PHLDB1: variants seen among roughly 807,000 people sequenced by gnomAD.
PHLDB1 encodes the protein pleckstrin homology like domain family B member 1, also known as pleckstrin homology-like domain family B member 1.
Under a neutral mutation model 139.3 loss-of-function variants are expected in PHLDB1, and 65 were observed. That is an observed-to-expected ratio of 0.47 (90% confidence interval 0.38 to 0.57). PHLDB1 has a LOEUF of 0.57. Among genes scored for constraint, PHLDB1 ranks in the 20% least tolerant of loss-of-function variants. PHLDB1 has a pLI of 0.00. For synonymous variants in PHLDB1, 679 were observed against 734.5 expected (o/e 0.92, Z 1.22); for missense variants, 1,624 against 1,839.7 (o/e 0.88, Z 2.14).
intron 4 of PHLDB1, among the ~76,000 whole-genome samples, chr11:118,623,690 C>T (rs1170868195): frequency 6.6e-6 from 1 of 151,946 alleles, no homozygotes; most frequent in Non-Finnish European, 1.5e-5. Flanking sequence ...AATTCAGGAC[C>T]CCCCCGGTTC....
intron 10 of PHLDB1, chr11:118,637,837 C>T (rs1945891738): frequency 6.6e-6 from 1 of 152,230 alleles, no homozygotes; most frequent in Non-Finnish European, 1.5e-5. Flanking sequence ...TTTTCATTTC[C>T]TTTTAGCACA....
Position 118,632,152 on chromosome 11 carries a change from C to T in PHLDB1, c.2242-7C>T. 6.2e-7 allele frequency: 1 copy of T among 1,613,926 alleles called. No individual in the cohort carries two copies. Among genetic ancestry groups the T allele is most frequent in the Non-Finnish European group, 8.5e-7 (1 of 1,179,902 alleles). ...GCTTTGATGGGGACCCTGGTGTCTG[C>T]CCCCAGGCCGAAATGGAGCGGGCAC... On this transcript the variant is annotated splice_region_variant and splice_polypyrimidine_tract_variant and intron_variant, in intron 8 of 22. Transcript: ENST00000600882. This position sits in a 1 kb window ranked among gnomAD's most constrained non-coding sequence, Gnocchi z 5.9.
rs781810809 is a variant in PHLDB1, at chr11:118,613,886, C to G, written c.50C>G (p.Thr17Ser). 78 of 1,606,266 alleles carry G rather than the reference C, an allele frequency of 4.9e-5. No homozygotes were observed. The highest frequency in any genetic ancestry group is 6.6e-5 in the Non-Finnish European group (78 of 1,173,386). Residue 17 changes from threonine to serine, a missense_variant, in exon 2 of 23, where the codon ACC becomes AGC. Coordinates refer to ENST00000600882, the MANE Select transcript of PHLDB1 (RefSeq NM_001144758.3). ...ATAGGCCCTGGATGCCAGACCCAGA[C>G]CATGGTGCAGGTGAGTGGGATCAGG... Reference protein sequence around the residue: ...NQIGPGCQTQTMVQKGPLDLI... With the variant: ...NQIGPGCQTQSMVQKGPLDLI...
chr11:118,655,223 A>G (rs1324381520), intron 20 of PHLDB1: 1 of 175,960 alleles, frequency 5.7e-6, no homozygotes, highest in African/African-American at 2.4e-5. Flanking sequence ...CAAAAGATAA[A>G]TGCCTTTCTA....
chr11:118,657,752 A>G lies in PHLDB1; in HGVS notation c.*929A>G, dbSNP rs151114083. The G allele has an allele frequency of 4.7e-3, 747 of 157,602 alleles. 10 individuals carry two copies. Among genetic ancestry groups the G allele is most frequent in the South Asian group, 0.02 (106 of 5,200 alleles). The allele number at this position is 157,602 out of a possible 1,614,324, so 9.8% of individuals were successfully genotyped here. A position where few individuals can be genotyped will look rare whatever the true frequency, so the allele number is the denominator to read the frequency against. On this transcript the variant is annotated 3_prime_UTR_variant, in exon 23 of 23. Transcript: ENST00000600882. ...CCGACAGGGAAAGAGGATTCCTCCA[A>G]TGCTCCTAGAGAGAAAGCCTGAGCA...
At chr11:118,644,397 C>A (rs781920776) in intron 15 of PHLDB1, 3 of 562,652 alleles carry the variant, frequency 5.3e-6, no homozygotes, top group Non-Finnish European at 9.5e-6. Flanking sequence ...TGACATCTTT[C>A]CTAGAGAGCC....
At chr11:118,641,671 C>T in intron 12 of PHLDB1, 1 of 1,289,484 alleles carries the variant, frequency 7.8e-7, no homozygotes, top group Non-Finnish European at 1.0e-6. Context: ...GCCCCCAGCC[C>T]CTGTGCCAGG....
Position 118,656,967 on chromosome 11 carries a change from C to A in PHLDB1, c.*144C>A. On this transcript the variant is annotated 3_prime_UTR_variant, in exon 23 of 23. Coordinates refer to ENST00000600882, the MANE Select transcript of PHLDB1 (RefSeq NM_001144758.3). The stretch of plus-strand genomic sequence containing the variant: ...AAGAAGAAAAGTAGAGGTGGCTTTG[C>A]TGCCTCCTGGGAGCCCAGAACTTGC... 1 of 715,670 alleles carries A rather than the reference C, an allele frequency of 1.4e-6. No individual in the cohort carries two copies. Among genetic ancestry groups the A allele is most frequent in the Non-Finnish European group, 2.2e-6 (1 of 446,216 alleles). The allele number at this position is 715,670 out of a possible 1,614,324, so 44.3% of individuals were successfully genotyped here.
In PHLDB1 at chr11:118,632,331, C is replaced by G; in HGVS notation, c.2379+35C>G. The G allele has an allele frequency of 6.2e-7, 1 of 1,606,580 alleles. No homozygotes were observed. The highest frequency in any genetic ancestry group is 8.5e-7 in the Non-Finnish European group (1 of 1,174,926). On this transcript the variant is annotated intron_variant, in intron 9 of 22. Transcript: ENST00000600882. This position sits in a 1 kb window ranked among gnomAD's most constrained non-coding sequence, Gnocchi z 5.9. ...ACCTGGCCCAGCTTAGTGCTGGGTA[C>G]CAGTGGCCTGGGAGAGAAGGAGAAA...
At chr11:118,652,421 G>A (rs987252361) in intron 20 of PHLDB1, 3 of 152,360 alleles carry the variant, frequency 2.0e-5, no homozygotes, top group Non-Finnish European at 2.9e-5. Context: ...GGATGGTCAG[G>A]ATTAGAGGTG....
rs952319893 is a variant in PHLDB1, at chr11:118,610,811, G to A, written c.-21-3005G>A. Among the ~76,000 whole-genome samples the A allele has an allele frequency of 3.9e-5, 6 of 152,198 alleles. No homozygotes were observed. The highest frequency in any genetic ancestry group is 1.3e-4 in the Admixed American group (2 of 15,290). Reference sequence around the variant, plus strand: ...TGGGGTGTCGGCGCATTCCCGCGGGGGAGGAGGCCGAGGGCCCGGGCCGGG... The same window carrying A: ...TGGGGTGTCGGCGCATTCCCGCGGGAGAGGAGGCCGAGGGCCCGGGCCGGG... On this transcript the variant is annotated intron_variant, in intron 1 of 22. Transcript: ENST00000600882. This position sits in a 1 kb window ranked among gnomAD's most constrained non-coding sequence, Gnocchi z 8.7.
chr11:118,648,214 A>T lies in PHLDB1; in HGVS notation c.3654+138A>T. 3.4e-6 allele frequency: 3 copies of T among 886,820 alleles called. No individual in the cohort carries two copies. The South Asian group carries it at 5.1e-5, about 15-fold the overall frequency. The allele number at this position is 886,820 out of a possible 1,614,324, so 54.9% of individuals were successfully genotyped here. A position where few individuals can be genotyped will look rare whatever the true frequency, so the allele number is the denominator to read the frequency against. On this transcript the variant is annotated intron_variant, in intron 18 of 22. Coordinates refer to ENST00000600882, the MANE Select transcript of PHLDB1 (RefSeq NM_001144758.3). ...AGATTGCTGTTGGCTTAATACTAGC[A>T]GAATTCTACCTGGGACTCATTGACC...
Position 118,610,600 on chromosome 11 carries a change from C to A in PHLDB1, c.-22+2901C>A. On this transcript the variant is annotated intron_variant, in intron 1 of 22. Transcript: ENST00000600882. The surrounding 1 kb of genome is among the most constrained non-coding windows in gnomAD (Gnocchi z 8.7). Reference sequence around the variant, plus strand: ...CCCGCGAAGGGCCGGGTCTGGTGCTCTGGGGCTGGCTTTGGACCTCTCGTC... The same window carrying A: ...CCCGCGAAGGGCCGGGTCTGGTGCTATGGGGCTGGCTTTGGACCTCTCGTC... 1 of 461,398 alleles carries A rather than the reference C, an allele frequency of 2.2e-6. No individual in the cohort carries two copies. The highest frequency in any genetic ancestry group is 9.0e-5 in the South Asian group (1 of 11,064). 28.6% of individuals were successfully genotyped at this position (461,398 alleles called of 1,614,324 possible). A position where few individuals can be genotyped will look rare whatever the true frequency, so the allele number is the denominator to read the frequency against.
Position 118,610,865 on chromosome 11 carries a change from A to G in PHLDB1, c.-21-2951A>G, listed in dbSNP as rs555817653. ...ACCTGCCGGCGCCCCGGCCTTGCGC[A>G]CAGAGGGCCTTGCCTGTCGCTCGTC... is the stretch of plus-strand genomic sequence containing the variant. On this transcript the variant is annotated intron_variant, in intron 1 of 22. Transcript: ENST00000600882. This position sits in a 1 kb window ranked among gnomAD's most constrained non-coding sequence, Gnocchi z 8.7. Among the ~76,000 whole-genome samples the G allele has an allele frequency of 2.1e-4, 32 of 152,308 alleles. No homozygotes were observed. In the East Asian group the frequency reaches 6.2e-3, roughly 29 times the overall value.
rs1555099446 is a variant in PHLDB1 at position 118,624,914 on chromosome 11, A to C, written c.356-20A>C. On this transcript the variant is annotated intron_variant, in intron 4 of 22. Coordinates refer to ENST00000600882, the MANE Select transcript of PHLDB1 (RefSeq NM_001144758.3). ...TGTGAGCCACCACACCTGGTCTTCA[A>C]GTGTTTGCTTTCTCTGCAGGCTGCA... The C allele has an allele frequency of 6.2e-7, 1 of 1,613,480 alleles. No homozygotes were observed. The highest frequency in any genetic ancestry group is 1.7e-5 in the Admixed American group (1 of 59,984).
chr11:118,631,359 C>T lies in PHLDB1; in HGVS notation c.1980C>T (p.Ala660=). 6.5e-7 allele frequency: 1 copy of T among 1,533,464 alleles called. No individual in the cohort carries two copies. The highest frequency in any genetic ancestry group is 8.8e-7 in the Non-Finnish European group (1 of 1,141,594). The allele number at this position is 1,533,464 out of a possible 1,614,324, so 95.0% of individuals were successfully genotyped here. Residue 660 remains alanine, a synonymous_variant, in exon 7 of 23, where the codon GCC becomes GCT. Transcript: ENST00000600882. ...GRRPSRGLAG[A]SGRSSEEPGV... is the part of the protein sequence containing the mutation. ...GGCCCTCACGAGGCCTTGCAGGGGC[C>T]TCTGGGCGGAGCAGCGAGGAGCCTG... is the stretch of plus-strand genomic sequence containing the variant.
In PHLDB1 at chr11:118,647,948, C is replaced by T. The variant is rs781952861; in HGVS notation, c.3526C>T (p.Arg1176Trp). ...MESREREMEL[R>W]RQALEEERRR... Reference sequence around the variant, plus strand: ...GGGGCAGGAGCGGGAGATGGAGCTGCGGCGGCAGGCCCTGGAGGAGGAGCG... The same window carrying T: ...GGGGCAGGAGCGGGAGATGGAGCTGTGGCGGCAGGCCCTGGAGGAGGAGCG... Residue 1176 changes from arginine to tryptophan, a missense_variant, in exon 18 of 23, where the codon CGG becomes TGG. Transcript: ENST00000600882. 1.3e-6 allele frequency: 2 copies of T among 1,575,774 alleles called. No individual in the cohort carries two copies. The highest frequency in any genetic ancestry group is 1.7e-6 in the Non-Finnish European group (2 of 1,161,288).
chr11:118,643,822 G>A lies in PHLDB1; in HGVS notation c.2900G>A (p.Gly967Asp). 1.2e-6 allele frequency: 2 copies of A among 1,614,108 alleles called. No individual in the cohort carries two copies. The highest frequency in any genetic ancestry group is 8.5e-7 in the Non-Finnish European group (1 of 1,180,006). Residue 967 changes from glycine (G) to aspartate (D), a missense_variant, in exon 14 of 23, where the codon GGC becomes GAC. Transcript: ENST00000600882. ...CAGGTTTACCGCTCCAAGATGGATG[G>A]CGAGGCCACCAGCCCCCTTCCCCGG... The part of the protein sequence containing the change: ...QLQVYRSKMD[G>D]EATSPLPRTR...
chr11:118,608,360 T>C lies in PHLDB1; in HGVS notation c.-22+661T>C, dbSNP rs1939508044. Among the ~76,000 whole-genome samples, 1 of 152,090 alleles carries C rather than the reference T, an allele frequency of 6.6e-6. No individual in the cohort carries two copies. Among genetic ancestry groups the C allele is most frequent in the Admixed American group, 6.5e-5 (1 of 15,286 alleles). On this transcript the variant is annotated intron_variant, in intron 1 of 22. Transcript: ENST00000600882. This position sits in a 1 kb window ranked among gnomAD's most constrained non-coding sequence, Gnocchi z 6.7. ...CCTTGCCACGCCCGCGCGGTCCCTA[T>C]TGGAATCCCTAGCGGAGTTCCCCGA...
Sources: allele counts gnomAD v4.1 joint callset (sites outside exome capture counted in the v4.1 genomes callset), GRCh38; gene constraint gnomAD v4.1.1; non-coding constraint Gnocchi (gnomAD v3.1); transcripts MANE v1.5; gene names NCBI Gene and HGNC (gene_info 2026-07-23, HGNC 2026-07-21).